The following CHST9 variants were observed in gnomAD, a reference collection of about 807,000 sequenced individuals.
The protein encoded by CHST9 is GalNAc-4-sulfotransferase 2.
In CHST9, 41 loss-of-function variants were observed where a neutral mutation model predicts 44.4. That is an observed-to-expected ratio of 0.92 (90% CI 0.72 to 1.20). The LOEUF is 1.20. Among genes scored for constraint, CHST9 ranks in the 50% most tolerant of loss-of-function variants. The probability of loss-of-function intolerance (pLI) is 0.00; values close to 1 mark genes in which losing one functional copy is unlikely to be tolerated. For synonymous variants in CHST9, 171 were observed against 178.4 expected, an observed-to-expected ratio of 0.96 and a Z score of 0.33; for missense variants, 504 against 516.5, an observed-to-expected ratio of 0.98 and a Z score of 0.23.
chr18:27,094,537 T>C (rs900910879), intron 2 of CHST9, among the ~76,000 whole-genome samples: 1 of 152,236 alleles, frequency 6.6e-6, no homozygotes, highest in African/African-American at 2.4e-5. Flanking sequence ...AACTATTTTA[T>C]GTTGATAATA....
At chr18:27,001,641 C>T (rs1006135504) in intron 4 of CHST9, among the ~76,000 whole-genome samples, 2 of 151,804 alleles carry the variant, frequency 1.3e-5, no homozygotes, top group African/African-American at 4.8e-5. Flanking sequence ...AAAGACTATG[C>T]CCTCCTGATT....
intron 2 of CHST9, among the ~76,000 whole-genome samples, chr18:27,137,893 A>G (rs1454452877): frequency 6.6e-6 from 1 of 152,162 alleles, no homozygotes; most frequent in Non-Finnish European, 1.5e-5. Context: ...GGAAAAAATA[A>G]ACAACAAGCC....
intron 4 of CHST9, among the ~76,000 whole-genome samples, chr18:26,956,324 AAAAT>A (rs1568108227): frequency 2.3e-5 from 3 of 129,462 alleles, no homozygotes; most frequent in African/African-American, 9.7e-5. Context: ...AAAAAAAAAA[AAAAT>A]ATATATATAT....
intron 4 of CHST9, among the ~76,000 whole-genome samples, chr18:27,017,036 TCATA>T (rs2057163452): frequency 6.6e-6 from 1 of 152,236 alleles, no homozygotes; most frequent in African/African-American, 2.4e-5. Context: ...AAAGTCATTA[TCATA>T]CATGGGACAT....
At chr18:27,162,000 G>A (rs1212192744) in intron 1 of CHST9, among the ~76,000 whole-genome samples, 5 of 151,762 alleles carry the variant, frequency 3.3e-5, no homozygotes, top group African/African-American at 1.2e-4. Context: ...GCCTATGTGT[G>A]TCTCTGCACA....
intron 2 of CHST9, among the ~76,000 whole-genome samples, chr18:27,137,523 G>A (rs1488228743): frequency 6.6e-6 from 1 of 152,070 alleles, no homozygotes; most frequent in African/African-American, 2.4e-5. Flanking sequence ...AAGAGAGGCA[G>A]CTCCAGAAGC....
intron 3 of CHST9, among the ~76,000 whole-genome samples, chr18:27,025,038 T>C (rs1250057700): frequency 1.3e-5 from 2 of 148,442 alleles, no homozygotes; most frequent in Non-Finnish European, 3.0e-5. Context: ...TCCATTTCTT[T>C]CCTTTAAAAC....
At chr18:27,169,598 C>CT (rs1156859087) in intron 1 of CHST9, among the ~76,000 whole-genome samples, 1,860 of 82,120 alleles carry the variant, frequency 0.023, 55 homozygotes, top group African/African-American at 0.039. Context: ...ATATATTCTT[C>CT]TTTTTTTTTT....
At chr18:27,050,725 T>C (rs901200) in intron 2 of CHST9, among the ~76,000 whole-genome samples, 145,894 of 152,240 alleles carry the variant, frequency 0.96, 69,969 homozygotes, top group East Asian at 1. Context: ...TCATTCATTA[T>C]GAAGTGTGAC....
intron 4 of CHST9, among the ~76,000 whole-genome samples, chr18:27,006,758 A>C (rs543958335): frequency 6.6e-6 from 1 of 152,282 alleles, no homozygotes; most frequent in Non-Finnish European, 1.5e-5. Context: ...CTGTCACATA[A>C]AAACTGCAGA....
At chr18:26,998,739 C>CAAAAAAAAA (rs11480705) in intron 4 of CHST9, among the ~76,000 whole-genome samples, 2 of 114,064 alleles carry the variant, frequency 1.8e-5, no homozygotes, top group Admixed American at 9.0e-5. Flanking sequence ...ACAACAACAA[C>CAAAAAAAAA]AAAAAAAAAA....
intron 2 of CHST9, among the ~76,000 whole-genome samples, chr18:27,132,323 T>C (rs1446116982): frequency 6.6e-6 from 1 of 152,160 alleles, no homozygotes; most frequent in African/African-American, 2.4e-5. Flanking sequence ...CAAAATACTG[T>C]ATTGCAAAAG....
chr18:27,161,994 A>G (rs1195998101), intron 1 of CHST9, among the ~76,000 whole-genome samples: 1 of 151,602 alleles, frequency 6.6e-6, no homozygotes, highest in Non-Finnish European at 1.5e-5. Flanking sequence ...TTTTGAGCCT[A>G]TGTGTGTCTC....
chr18:27,148,212 T>C (rs531700163), intron 1 of CHST9, among the ~76,000 whole-genome samples: 2 of 152,294 alleles, frequency 1.3e-5, no homozygotes, highest in East Asian at 3.9e-4. Context: ...TTTTTATGGC[T>C]GCATAGTATT....
chr18:27,024,749 G>A (rs553180691), intron 3 of CHST9, among the ~76,000 whole-genome samples: 11 of 152,158 alleles, frequency 7.2e-5, no homozygotes, highest in African/African-American at 2.2e-4. Flanking sequence ...GCAACCCCAC[G>A]GATATTTAAA....
intron 2 of CHST9, among the ~76,000 whole-genome samples, chr18:27,096,701 G>A (rs1314692273): frequency 1.3e-5 from 2 of 151,844 alleles, no homozygotes; most frequent in Non-Finnish European, 2.9e-5. Context: ...ATAAATTCCT[G>A]GTCACATACA....
intron 4 of CHST9, among the ~76,000 whole-genome samples, chr18:26,965,356 C>T (rs371733172): frequency 6.6e-6 from 1 of 152,172 alleles, no homozygotes. Flanking sequence ...CAGTTTATAA[C>T]TATGTGAAGA....
intron 2 of CHST9, among the ~76,000 whole-genome samples, chr18:27,082,347 T>C (rs1208319762): frequency 6.6e-6 from 1 of 152,222 alleles, no homozygotes; most frequent in Non-Finnish European, 1.5e-5. Flanking sequence ...TTAGTATTGA[T>C]TTATCTAAAG....
chr18:27,103,747 C>T (rs1453386202), intron 2 of CHST9, among the ~76,000 whole-genome samples: 1 of 152,122 alleles, frequency 6.6e-6, no homozygotes, highest in Non-Finnish European at 1.5e-5. Flanking sequence ...CTCTTTAAAT[C>T]ATCAACTGCT....
Sources: gnomAD v4.1 joint callset for allele counts (sites outside exome capture counted in the v4.1 genomes callset) on GRCh38, gnomAD v4.1.1 for gene constraint, MANE v1.5 for transcripts, NCBI Gene and HGNC (gene_info 2026-07-23, HGNC 2026-07-21) for gene names.